SAMD12: variants seen among roughly 807,000 people sequenced by gnomAD.
SAMD12 encodes sterile alpha motif domain-containing protein 12.
A neutral mutation model predicts 15.0 loss-of-function variants in SAMD12; 9 were observed. The ratio of observed to expected loss-of-function variants is 0.60; its 90% confidence interval spans 0.36 to 1.05. The LOEUF is 1.05. Among genes scored for constraint, SAMD12 ranks in the 50% least tolerant of loss-of-function variants. The probability of loss-of-function intolerance (pLI) is 0.01; values close to 1 mark genes in which losing one functional copy is unlikely to be tolerated. For synonymous variants in SAMD12, 86 were observed against 90.1 expected, an observed-to-expected ratio of 0.96 and a Z score of 0.25; for missense variants, 230 against 234.2, an observed-to-expected ratio of 0.98 and a Z score of 0.12.
At chr8:118,317,404 T>C (rs1234019226) in intron 4 of SAMD12, among the ~76,000 whole-genome samples, 1 of 152,192 alleles carries the variant, frequency 6.6e-6, no homozygotes, top group Non-Finnish European at 1.5e-5. Context: ...AATTATGGAA[T>C]GCATAAATAA....
chr8:118,495,077 G>A (rs1000242563), intron 2 of SAMD12, among the ~76,000 whole-genome samples: 1 of 152,194 alleles, frequency 6.6e-6, no homozygotes, highest in African/African-American at 2.4e-5. Context: ...CATGACACAA[G>A]TGTGTGACAT....
chr8:118,580,971 C>A, intron 1 of SAMD12, 78 bp from the exon 2 acceptor site: 2 of 1,154,804 alleles, frequency 1.7e-6, no homozygotes, highest in Admixed American at 2.5e-5. Context: ...ATTCATCAAG[C>A]CTAAGTAGGA....
At chr8:118,148,611 A>T in the SAMD12 span, among the ~76,000 whole-genome samples, 1 of 152,218 alleles carries the variant, frequency 6.6e-6, no homozygotes, top group Non-Finnish European at 1.5e-5. Flanking sequence ...GAACACAACC[A>T]TTACCACAAT....
intron 2 of SAMD12, among the ~76,000 whole-genome samples, chr8:118,473,051 C>A (rs1033385966): frequency 6.6e-6 from 1 of 152,144 alleles, no homozygotes; most frequent in Non-Finnish European, 1.5e-5. Context: ...TGGGGTCAAC[C>A]AATTGGAAGC....
chr8:118,540,535 C>T (rs1825960444), intron 2 of SAMD12, among the ~76,000 whole-genome samples: 1 of 152,132 alleles, frequency 6.6e-6, no homozygotes, highest in South Asian at 2.1e-4. Flanking sequence ...AAAATCACCC[C>T]TACTGTTTGT....
At chr8:118,514,008 G>T (rs181931265) in intron 2 of SAMD12, among the ~76,000 whole-genome samples, 1 of 152,144 alleles carries the variant, frequency 6.6e-6, no homozygotes, top group Non-Finnish European at 1.5e-5. Context: ...TATTTTAAGC[G>T]AAATTTTTAT....
At chr8:118,232,299 G>C (rs1363438879) in intron 4 of SAMD12, among the ~76,000 whole-genome samples, 1 of 152,116 alleles carries the variant, frequency 6.6e-6, no homozygotes, top group African/African-American at 2.4e-5. Flanking sequence ...GGGGATCAGA[G>C]GGATGTTGCC....
At chr8:118,500,438 T>C (rs186470113) in intron 2 of SAMD12, among the ~76,000 whole-genome samples, 1 of 152,062 alleles carries the variant, frequency 6.6e-6, no homozygotes, top group East Asian at 1.9e-4. Context: ...TTCTCAAATG[T>C]GATTAGAACC....
intron 2 of SAMD12, among the ~76,000 whole-genome samples, chr8:118,474,222 A>G (rs759403827): frequency 6.6e-6 from 1 of 152,048 alleles, no homozygotes; most frequent in Non-Finnish European, 1.5e-5. Flanking sequence ...CGGCCTCCCA[A>G]AGTGCTGGGA....
chr8:118,307,300 C>T (rs189604262), intron 4 of SAMD12, among the ~76,000 whole-genome samples: 36 of 152,298 alleles, frequency 2.4e-4, no homozygotes, highest in East Asian at 1.4e-3. Context: ...GTGTGAAAAT[C>T]ATTTGGGGAA....
chr8:118,560,044 G>A (rs1413447224), intron 2 of SAMD12, among the ~76,000 whole-genome samples: 2 of 152,196 alleles, frequency 1.3e-5, no homozygotes, highest in East Asian at 3.8e-4. Flanking sequence ...CAAATATATT[G>A]TGAGGCTCAG....
At chr8:118,149,859 A>T in the SAMD12 span, among the ~76,000 whole-genome samples, 136,236 of 152,218 alleles carry the variant, frequency 0.9, 61,352 homozygotes, top group Non-Finnish European at 0.95. Context: ...ATCACCTTTG[A>T]TCCTTTGTTG....
chr8:118,500,505 A>C (rs543592074), intron 2 of SAMD12, among the ~76,000 whole-genome samples: 2 of 151,926 alleles, frequency 1.3e-5, no homozygotes, highest in African/African-American at 4.8e-5. Context: ...TGATTCTTTT[A>C]ATCAAAATCA....
intron 2 of SAMD12, among the ~76,000 whole-genome samples, chr8:118,473,233 C>T (rs1033213568): frequency 1.3e-5 from 2 of 152,232 alleles, no homozygotes; most frequent in African/African-American, 4.8e-5. Flanking sequence ...GTAACCTCCT[C>T]TACAGCTACC....
chr8:118,602,281 C>CT (rs1474503719), intron 1 of SAMD12, among the ~76,000 whole-genome samples: 1 of 152,214 alleles, frequency 6.6e-6, no homozygotes, highest in East Asian at 1.9e-4. Context: ...ACTTAGGACA[C>CT]TTGGGCTTTC....
chr8:118,602,783 TCAAAGTGGGCCA>T (rs1274129082), intron 1 of SAMD12, among the ~76,000 whole-genome samples: 1 of 152,170 alleles, frequency 6.6e-6, no homozygotes, highest in Admixed American at 6.5e-5. Context: ...CAATGTTTTT[TCAAAGTGGGCCA>T]CAAAAAATAT....
At chr8:118,524,336 A>G (rs1825475454) in intron 2 of SAMD12, among the ~76,000 whole-genome samples, 1 of 152,120 alleles carries the variant, frequency 6.6e-6, no homozygotes, top group Admixed American at 6.6e-5. Flanking sequence ...CGCTCCTTCT[A>G]AAAACACTTT....
intron 2 of SAMD12, among the ~76,000 whole-genome samples, chr8:118,559,790 A>C (rs1826654448): frequency 6.6e-6 from 1 of 152,244 alleles, no homozygotes; most frequent in Non-Finnish European, 1.5e-5. Context: ...TGCATTTTAA[A>C]ATTAAAATAT....
intron 2 of SAMD12, among the ~76,000 whole-genome samples, chr8:118,477,210 C>T (rs552380780): frequency 1.3e-5 from 2 of 152,058 alleles, no homozygotes; most frequent in South Asian, 2.1e-4. Context: ...GGATTACAGG[C>T]GCCCACCACC....
Sources: gnomAD v4.1 joint callset for allele counts (sites outside exome capture counted in the v4.1 genomes callset) on GRCh38, gnomAD v4.1.1 for gene constraint, MANE v1.5 for transcripts, NCBI Gene and HGNC (gene_info 2026-07-23, HGNC 2026-07-21) for gene names.